The following PRB3 variants were observed in gnomAD, a reference collection of about 807,000 sequenced individuals.
PRB3 encodes basic salivary proline-rich protein 3.
In PRB3, 9 loss-of-function variants were observed where a neutral mutation model predicts 10.0. The ratio of observed to expected loss-of-function variants is 0.90; its 90% CI spans 0.54 to 1.57. The LOEUF is 1.57. PRB3 is among the 40% of genes most tolerant of loss of function. The pLI, the probability that PRB3 is intolerant of heterozygous loss-of-function variation, is 0.00. For missense variants in PRB3, 285 were observed against 385.5 expected, an observed-to-expected ratio of 0.74 and a Z score of 2.18; for synonymous variants, 89 against 138.6, an observed-to-expected ratio of 0.64 and a Z score of 2.52.
rs758002550 is a variant in PRB3, at chr12:11,268,001, G to C, written c.248C>G (p.Pro83Arg). The change falls in exon 3 of 4, where the codon CCA becomes CGA. Residue 83 changes from proline (P) to arginine (R), a missense_variant. Pro to Arg is a moderately radical substitution (Grantham distance 103). Around this residue, in one of 3 missense-constraint regions of PRB3, gnomAD observed 147 missense variants for 129.4 expected, o/e 1.14. Coordinates refer to ENST00000538488, the MANE Select transcript of PRB3 (RefSeq NM_001394862.1). ...ACCTTGGGACTGGTTTCCTCCTTGT[G>C]GGGGTGGTCCTTCTGGCTTTCCTGG... is the stretch of plus-strand genomic sequence containing the variant. Reference protein sequence around the residue: ...PRPGKPEGPPPQGGNQSQGPP... With the variant: ...PRPGKPEGPPRQGGNQSQGPP... 3.1e-6 allele frequency: 5 copies of C among 1,594,908 alleles called. No individual in the cohort carries two copies. The South Asian group carries it at 4.4e-5, about 14-fold the overall frequency.
chr12:11,267,152 G>T lies in PRB3; in HGVS notation c.*17+24C>A, dbSNP rs750195657. On this transcript the variant is annotated intron_variant, in intron 3 of 3. Coordinates refer to ENST00000538488, the MANE Select transcript of PRB3 (RefSeq NM_001394862.1). ...AGAACTGTAACACTTAGAGCACTTGGTGAAGAATAAACTGGAATCATACCT... is the reference window on the plus strand; with the variant it reads ...AGAACTGTAACACTTAGAGCACTTGTTGAAGAATAAACTGGAATCATACCT... 2.5e-6 allele frequency: 4 copies of T among 1,573,308 alleles called. No individual in the cohort carries two copies. In the South Asian group the frequency reaches 4.4e-5, roughly 17 times the overall value.
chr12:11,268,089 G>A lies in PRB3; in HGVS notation c.160C>T (p.Pro54Ser). Reference protein sequence around the residue: ...GNQPQRTPPPPGKPEGRPPQG... With the variant: ...GNQPQRTPPPSGKPEGRPPQG... ...GGGGGTCGTCCTTCTGGCTTTCCTG[G>A]AGGAGGTGGGGTACGTTGGGGCTGG... Residue 54 changes from proline (P) to serine (S), a missense_variant, in exon 3 of 4, where the codon CCA becomes TCA. By Grantham distance (74) the Pro-to-Ser change is moderately conservative (BLOSUM62 -1). Coordinates refer to ENST00000538488, the MANE Select transcript of PRB3 (RefSeq NM_001394862.1). The A allele has an allele frequency of 1.2e-6, 2 of 1,612,878 alleles. No individual in the cohort carries two copies. The highest frequency in any genetic ancestry group is 1.7e-6 in the Non-Finnish European group (2 of 1,179,410).
At chr12:11,266,232 G>C (rs1565761852) in intron 3 of PRB3, among the ~76,000 whole-genome samples, 1 of 152,206 alleles carries the variant, frequency 6.6e-6, no homozygotes, top group African/African-American at 2.4e-5. Context: ...AATTGTTGCT[G>C]AGAAGATGAA....
Position 11,268,150 on chromosome 12 carries a change from T to A in PRB3, c.101-2A>T, listed in dbSNP as rs866092686. On this transcript the variant is annotated splice_acceptor_variant, in intron 2 of 3. Transcript: ENST00000538488. LOFTEE classifies it high-confidence loss of function. Reference sequence around the variant, plus strand: ...GTGGGCGTCGTCCTTCTGGCTTTCCTGGAGGAGGTGGACACACGGCATTCA... The same window carrying A: ...GTGGGCGTCGTCCTTCTGGCTTTCCAGGAGGAGGTGGACACACGGCATTCA... The A allele has an allele frequency of 7.7e-7, 1 of 1,301,108 alleles. No homozygotes were observed. Among genetic ancestry groups the A allele is most frequent in the Non-Finnish European group, 1.0e-6 (1 of 986,678 alleles). 80.6% of individuals were successfully genotyped at this position (1,301,108 alleles called of 1,614,324 possible).
chr12:11,266,109 A>G (rs1027234145), intron 3 of PRB3, 80 bp from the exon 4 acceptor site: 6 of 443,102 alleles, frequency 1.4e-5, no homozygotes, highest in Admixed American at 9.5e-5. Context: ...GTGTTACTGC[A>G]GTAGAGTACA....
Position 11,268,112 on chromosome 12 carries a change from T to G in PRB3, c.137A>C (p.Gln46Pro). 1 of 1,563,018 alleles carries G rather than the reference T, an allele frequency of 6.4e-7. No homozygotes were observed. Among genetic ancestry groups the G allele is most frequent in the South Asian group, 1.1e-5 (1 of 87,290 alleles). Residue 46 changes from glutamine to proline, a missense_variant, in exon 3 of 4, where the codon CAG becomes CCG. Physicochemically the swap from Gln to Pro is moderately conservative, Grantham distance 76. Coordinates refer to ENST00000538488, the MANE Select transcript of PRB3 (RefSeq NM_001394862.1). Reference protein sequence around the residue: ...PEGRRPQGGNQPQRTPPPPGK... With the variant: ...PEGRRPQGGNPPQRTPPPPGK... ...TGGAGGAGGTGGGGTACGTTGGGGC[T>G]GGTTTCCTCCTTGTGGGCGTCGTCC...
intron 3 of PRB3, among the ~76,000 whole-genome samples, 173 bp from the exon 4 acceptor site, chr12:11,266,202 C>T (rs539155638): frequency 1.3e-5 from 2 of 152,252 alleles, no homozygotes; most frequent in East Asian, 1.9e-4. Flanking sequence ...TTTTGATGCC[C>T]TTGCACACAA....
In PRB3 at chr12:11,267,159, A is replaced by T; in HGVS notation, c.*17+17T>A. On this transcript the variant is annotated intron_variant, in intron 3 of 3. Transcript: ENST00000538488. ...TAACACTTAGAGCACTTGGTGAAGA[A>T]TAAACTGGAATCATACCTGTCATTG... The T allele has an allele frequency of 3.2e-6, 5 of 1,582,922 alleles. No individual in the cohort carries two copies. Among genetic ancestry groups the T allele is most frequent in the Non-Finnish European group, 4.3e-6 (5 of 1,151,752 alleles).
Position 11,267,433 on chromosome 12 carries a change from T to G in PRB3, c.816A>C (p.Ser272=). Residue 272 remains serine, a synonymous_variant, in exon 3 of 4, where the codon TCA becomes TCC. Transcript: ENST00000538488. The part of the protein sequence containing the change: ...PRPGKPEGPP[S]QGGNKPQGPP... ...GACCTTGAGGTTTGTTGCCTCCTTG[T>G]GAAGGTGGTCCTTCTGGCTTTCCTG... 1 of 1,563,652 alleles carries G rather than the reference T, an allele frequency of 6.4e-7. No homozygotes were observed. Among genetic ancestry groups the G allele is most frequent in the Non-Finnish European group, 8.6e-7 (1 of 1,156,682 alleles).
intron 1 of PRB3, 200 bp from the exon 2 acceptor site, chr12:11,268,868 A>G (rs1221607646): frequency 5.9e-6 from 4 of 674,990 alleles, no homozygotes; most frequent in Non-Finnish European, 1.0e-5. Flanking sequence ...AGCAACAGCC[A>G]TGAACTCAAT....
At chr12:11,268,598 T>C (rs185042180) in intron 2 of PRB3, 35 bp downstream of exon 2, 1 of 1,577,352 alleles carries the variant, frequency 6.3e-7, no homozygotes, top group East Asian at 2.2e-5. Flanking sequence ...CAGAAGAAGA[T>C]AGTTAAAACA....
At chr12:11,269,556 C>A (rs745689924) in intron 1 of PRB3, 50 bp downstream of exon 1, 80 of 1,598,924 alleles carry the variant, frequency 5.0e-5, no homozygotes, top group Admixed American at 4.8e-4. Flanking sequence ...CAACTATCAC[C>A]TCCTAAGCCC....
intron 2 of PRB3, 41 bp downstream of exon 2, chr12:11,268,592 A>T (rs368193496): frequency 1.3e-6 from 2 of 1,570,928 alleles, no homozygotes; most frequent in African/African-American, 2.7e-5. Context: ...CATAAGCAGA[A>T]GAAGATAGTT....
At chr12:11,268,824 A>G in intron 1 of PRB3, 156 bp from the exon 2 acceptor site, 2 of 946,440 alleles carry the variant, frequency 2.1e-6, no homozygotes, top group South Asian at 1.4e-5. Flanking sequence ...AAGGGGAGGA[A>G]GGTGTAAGGG....
chr12:11,267,313 G>T lies in PRB3; in HGVS notation c.936C>A (p.Pro312=), dbSNP rs766903022. Residue 312 remains proline, a synonymous_variant, in exon 3 of 4, where the codon CCC becomes CCA. Coordinates refer to ENST00000538488, the MANE Select transcript of PRB3 (RefSeq NM_001394862.1). ...PPPPGRPQGP[P]PPGGNPQQPL... ...GCTGCTGGGGATTGCCTCCTGGTGG[G>T]GGTGGTCCTTGTGGCCTTCCTGGAG... 1 of 1,612,104 alleles carries T rather than the reference G, an allele frequency of 6.2e-7. No individual in the cohort carries two copies. Among genetic ancestry groups the T allele is most frequent in the Non-Finnish European group, 8.5e-7 (1 of 1,178,824 alleles).
At position 11,267,305 on chromosome 12, in the gene PRB3, C is replaced by T. The variant is rs1948596226; in HGVS notation, c.944G>A (p.Gly315Glu). 1.9e-6 allele frequency: 3 copies of T among 1,612,194 alleles called. No individual in the cohort carries two copies. The East Asian group carries it at 6.7e-5, about 36-fold the overall frequency. ...PGRPQGPPPP[G>E]GNPQQPLPPP... ...TGGCAGAGGCTGCTGGGGATTGCCT[C>T]CTGGTGGGGGTGGTCCTTGTGGCCT... is the stretch of plus-strand genomic sequence containing the variant. The change falls in exon 3 of 4, where the codon GGA (glycine) becomes GAA (glutamate). Residue 315 changes from glycine (G) to glutamate (E), a missense_variant. Physicochemically the swap from Gly to Glu is moderately conservative, Grantham distance 98. Around this residue, in one of 3 missense-constraint regions of PRB3, gnomAD observed 108 missense variants for 106.9 expected, o/e 1.01. Transcript: ENST00000538488.
intron 2 of PRB3, among the ~76,000 whole-genome samples, 196 bp from the exon 3 acceptor site, chr12:11,268,344 A>T (rs1948617332): frequency 6.6e-6 from 1 of 152,172 alleles, no homozygotes; most frequent in South Asian, 2.1e-4. Context: ...AGGAGGAGTC[A>T]GAATAAGGAC....
chr12:11,268,786 C>G (rs555659704), intron 1 of PRB3, 118 bp from the exon 2 acceptor site: 15 of 1,236,962 alleles, frequency 1.2e-5, no homozygotes, highest in Admixed American at 1.7e-5. Flanking sequence ...TAGGTTAGCT[C>G]ATCAGCTACC....
In PRB3 at chr12:11,268,168, G is replaced by A. The variant is rs778179944; in HGVS notation, c.101-20C>T. The A allele has an allele frequency of 5.1e-6, 8 of 1,567,788 alleles. No homozygotes were observed. The highest frequency in any genetic ancestry group is 2.2e-5 in the East Asian group (1 of 44,726). ...GCTTTCCTGGAGGAGGTGGACACAC[G>A]GCATTCACTGAATAGTTGCCGCAAA... On this transcript the variant is annotated intron_variant, in intron 2 of 3. Transcript: ENST00000538488.
Sources: gnomAD v4.1 joint callset for allele counts (sites outside exome capture counted in the v4.1 genomes callset) on GRCh38, gnomAD v4.1.1 for gene constraint, gnomAD v4.1.1 regional missense constraint, MANE v1.5 for transcripts, NCBI Gene and HGNC (gene_info 2026-07-23, HGNC 2026-07-21) for gene names.